AKR1B1: variants seen among roughly 807,000 people sequenced by gnomAD.
The protein encoded by AKR1B1 is aldo-keto reductase family 1 member B1.
In AKR1B1, 22 loss-of-function variants were observed where a neutral mutation model predicts 40.4. That is an observed-to-expected ratio of 0.54 (90% CI 0.39 to 0.78). The LOEUF (loss-of-function observed/expected upper bound fraction) is 0.78, where lower values mean the gene tolerates loss of function less well. Among genes scored for constraint, AKR1B1 ranks in the 30% least tolerant of loss-of-function variants. The pLI is 0.00. For missense variants in AKR1B1, 357 were observed against 396.7 expected (o/e 0.90, Z 0.85); for synonymous variants, 157 against 149.9 (o/e 1.05, Z -0.35).
intron 1 of AKR1B1, among the ~76,000 whole-genome samples, chr7:134,452,237 T>C (rs1387115034): frequency 1.3e-5 from 2 of 152,232 alleles, no homozygotes; most frequent in African/African-American, 4.8e-5. Flanking sequence ...GCATGGCTTC[T>C]GATACCGGCA....
At chr7:134,446,530 C>A (rs550601341) in intron 8 of AKR1B1, among the ~76,000 whole-genome samples, 12 of 152,258 alleles carry the variant, frequency 7.9e-5, no homozygotes, top group Admixed American at 1.3e-4. Flanking sequence ...TCAGTGAGAA[C>A]AGAGGCTCTT....
chr7:134,445,453 T>A, intron 8 of AKR1B1, 133 bp from the exon 9 acceptor site: 1 of 759,298 alleles, frequency 1.3e-6, no homozygotes, highest in Non-Finnish European at 2.3e-6. Context: ...TAGGAAAAGC[T>A]GATATATTAG....
At chr7:134,456,064 T>C (rs1208494002) in intron 1 of AKR1B1, among the ~76,000 whole-genome samples, 1 of 152,188 alleles carries the variant, frequency 6.6e-6, no homozygotes, top group Non-Finnish European at 1.5e-5. Flanking sequence ...CGCTACGGCA[T>C]GGGAAGACCC....
At chr7:134,454,596 C>T (rs904065923) in intron 1 of AKR1B1, among the ~76,000 whole-genome samples, 2 of 152,164 alleles carry the variant, frequency 1.3e-5, no homozygotes, top group African/African-American at 4.8e-5. Context: ...CAAAGTATCT[C>T]AGAGATTGGA....
intron 1 of AKR1B1, 21 bp downstream of exon 1, chr7:134,458,976 C>T (rs1043286501): frequency 6.3e-7 from 1 of 1,599,776 alleles, no homozygotes; most frequent in African/African-American, 1.3e-5. Context: ...GCCCCGGGCC[C>T]GCGCCCCCAC....
chr7:134,451,899 G>A, intron 1 of AKR1B1, 146 bp from the exon 2 acceptor site: 1 of 840,074 alleles, frequency 1.2e-6, no homozygotes, highest in East Asian at 2.7e-5. Flanking sequence ...GCAGCATTCT[G>A]GACTATCAGC....
chr7:134,446,431 G>A (rs903418014), intron 8 of AKR1B1, among the ~76,000 whole-genome samples: 3 of 152,240 alleles, frequency 2.0e-5, no homozygotes, highest in African/African-American at 7.2e-5. Flanking sequence ...CTAAGCTGGG[G>A]CCTGCCCAAG....
Position 134,449,101 on chromosome 7 carries a change from C to A in AKR1B1, c.448G>T (p.Asp150Tyr). The stretch of plus-strand genomic sequence containing the variant: ...CCAATAGCTTTCACCAGCCCTTCAT[C>A]CACCAGCTCTTCCATGGCCTACAGA... Reference protein sequence around the residue: ...DTWAAMEELVDEGLVKAIGIS... With the variant: ...DTWAAMEELVYEGLVKAIGIS... The change falls in exon 5 of 10, where the codon GAT becomes TAT. Residue 150 changes from aspartate to tyrosine, a missense_variant. Coordinates refer to ENST00000285930, the MANE Select transcript of AKR1B1 (RefSeq NM_001628.4). 6.2e-7 allele frequency: 1 copy of A among 1,613,852 alleles called. No individual in the cohort carries two copies. The highest frequency in any genetic ancestry group is 1.1e-5 in the South Asian group (1 of 91,066).
At chr7:134,447,670 G>A (rs1806145850) in intron 7 of AKR1B1, 1 of 611,352 alleles carries the variant, frequency 1.6e-6, no homozygotes, top group South Asian at 1.9e-5. Context: ...CTACCACTCA[G>A]GAGAAAGAAC....
At position 134,445,294 on chromosome 7, in the gene AKR1B1, C is replaced by T; in HGVS notation, c.852G>A (p.Gln284=). The T allele has an allele frequency of 6.2e-7, 1 of 1,613,168 alleles. No individual in the cohort carries two copies. The highest frequency in any genetic ancestry group is 8.5e-7 in the Non-Finnish European group (1 of 1,179,792). ...TGTAGCTGAGTAAGGTGGTCATATC[C>T]TGGCTGCTCAGTTCAAAGTCAAAGA... The part of the protein sequence containing the change: ...FKVFDFELSS[Q]DMTTLLSYNR... The change falls in exon 9 of 10, where the codon CAG becomes CAA. Residue 284 remains glutamine, a synonymous_variant. Transcript: ENST00000285930.
chr7:134,449,602 G>T, intron 4 of AKR1B1, 118 bp downstream of exon 4: 1 of 867,276 alleles, frequency 1.2e-6, no homozygotes, highest in Non-Finnish European at 1.9e-6. Context: ...AAAAAAAAGA[G>T]AGAGCAAACA....
rs1025930950 is a variant in AKR1B1, at chr7:134,448,317, G to T, written c.659+70C>A. ...CCCCAGAAACATCTTCCTTGAGGCT[G>T]AATTGTTCTTTTTAGTCTTTTCTAA... On this transcript the variant is annotated intron_variant, in intron 6 of 9. Coordinates refer to ENST00000285930, the MANE Select transcript of AKR1B1 (RefSeq NM_001628.4). 1.3e-5 allele frequency: 18 copies of T among 1,377,254 alleles called. No individual in the cohort carries two copies. In the African/African-American group the frequency reaches 2.6e-4, roughly 20 times the overall value. 85.3% of individuals were successfully genotyped at this position (1,377,254 alleles called of 1,614,324 possible). A position where few individuals can be genotyped will look rare whatever the true frequency, so the allele number is the denominator to read the frequency against.
chr7:134,458,194 C>T (rs932587603), intron 1 of AKR1B1, among the ~76,000 whole-genome samples: 1 of 151,760 alleles, frequency 6.6e-6, no homozygotes, highest in Admixed American at 6.6e-5. Context: ...TTTTTCATAT[C>T]CTATGATGTT....
chr7:134,454,748 G>T (rs547617196), intron 1 of AKR1B1, among the ~76,000 whole-genome samples: 1 of 152,186 alleles, frequency 6.6e-6, no homozygotes, highest in Admixed American at 6.5e-5. Flanking sequence ...GTAAAGAAAC[G>T]GTCCTGAGTA....
At position 134,449,765 on chromosome 7, in the gene AKR1B1, C is replaced by T. The variant is rs141337439; in HGVS notation, c.384G>A (p.Ser128=). 1,569 of 1,614,034 alleles carry T rather than the reference C, an allele frequency of 9.7e-4. 4 individuals carry two copies. The highest frequency in any genetic ancestry group is 1.2e-3 in the Non-Finnish European group (1,469 of 1,179,942). Residue 128 remains serine, a synonymous_variant, in exon 4 of 10, where the codon TCG becomes TCA. Transcript: ENST00000285930. ...PGKEFFPLDE[S]GNVVPSDTNI... ...TGGTGTCACTGGGAACCACATTGCCCGACTCATCCAATGGGAAAAATTCCT... is the reference window on the plus strand; with the variant it reads ...TGGTGTCACTGGGAACCACATTGCCTGACTCATCCAATGGGAAAAATTCCT...
intron 1 of AKR1B1, among the ~76,000 whole-genome samples, chr7:134,453,746 G>A (rs1806364775): frequency 3.3e-5 from 5 of 152,166 alleles, no homozygotes; most frequent in Admixed American, 3.3e-4. Context: ...GGAGACATGT[G>A]TGCTGGGAGG....
chr7:134,446,579 GTGCCCCCC>G (rs1261363296), intron 8 of AKR1B1, among the ~76,000 whole-genome samples: 1 of 350 alleles, frequency 2.9e-3, no homozygotes, highest in Non-Finnish European at 6.4e-3. Flanking sequence ...TCCTTTGGGC[GTGCCCCCC>G]CCCTCCCCCA....
chr7:134,454,983 G>A (rs1167030531), intron 1 of AKR1B1, among the ~76,000 whole-genome samples: 1 of 152,204 alleles, frequency 6.6e-6, no homozygotes, highest in East Asian at 1.9e-4. Context: ...AAGAGGAAGA[G>A]ATGGGGGCTT....
chr7:134,444,858 C>T (rs943939365), intron 9 of AKR1B1: 1 of 344,608 alleles, frequency 2.9e-6, no homozygotes, highest in South Asian at 2.7e-5. Flanking sequence ...CCGACCAAAC[C>T]CCTTTCATTA....
Sources: gnomAD v4.1 joint callset for allele counts (sites outside exome capture counted in the v4.1 genomes callset) on GRCh38, gnomAD v4.1.1 for gene constraint, MANE v1.5 for transcripts, NCBI Gene and HGNC (gene_info 2026-07-23, HGNC 2026-07-21) for gene names.